The following ADGRG5 variants were observed in gnomAD, a reference collection of about 807,000 sequenced individuals.
The protein encoded by ADGRG5 is G protein-coupled receptor 114.
Under a neutral mutation model 53.2 loss-of-function variants are expected in ADGRG5, and 37 were observed. The ratio of observed to expected loss-of-function variants is 0.70; its 90% confidence interval spans 0.53 to 0.91. ADGRG5 has a LOEUF of 0.91. Ranked by LOEUF, ADGRG5 falls within the 40% of genes least tolerant of loss-of-function variation. ADGRG5 has a pLI of 0.00. For synonymous variants in ADGRG5, 277 were observed against 290.4 expected, an observed-to-expected ratio of 0.95 and a Z score of 0.47; for missense variants, 614 against 675.8, an observed-to-expected ratio of 0.91 and a Z score of 1.01.
intron 1 of ADGRG5, among the ~76,000 whole-genome samples, chr16:57,544,228 C>T (rs548514088): frequency 1.3e-5 from 2 of 152,262 alleles, no homozygotes; most frequent in South Asian, 2.1e-4. Flanking sequence ...ACTCCTCTTA[C>T]GCAGTATTCG....
At chr16:57,548,760 A>T (rs2032680828) in intron 1 of ADGRG5, among the ~76,000 whole-genome samples, 1 of 141,682 alleles carries the variant, frequency 7.1e-6, no homozygotes. Flanking sequence ...TTCCTTTAAG[A>T]TCCATCCAAG....
At chr16:57,564,909 A>G in intron 5 of ADGRG5, 125 bp from the exon 6 acceptor site, 1 of 659,468 alleles carries the variant, frequency 1.5e-6, no homozygotes, top group Non-Finnish European at 2.7e-6. Context: ...GGAGGCTGAG[A>G]AAGCTTTCAC....
At position 57,566,731 on chromosome 16, in the gene ADGRG5, A is replaced by G; in HGVS notation, c.679A>G (p.Thr227Ala). 6.4e-7 allele frequency: 1 copy of G among 1,556,138 alleles called. No individual in the cohort carries two copies. Among genetic ancestry groups the G allele is most frequent in the Non-Finnish European group, 8.7e-7 (1 of 1,151,420 alleles). The stretch of plus-strand genomic sequence containing the variant: ...GGTGCTCTGCCGCTGCAACCACCTC[A>G]CCTACTTTGCTGTTCTCATGGTATG... Reference protein sequence around the residue: ...SQVLCRCNHLTYFAVLMQLSP... With the variant: ...SQVLCRCNHLAYFAVLMQLSP... The change falls in exon 7 of 12, where the codon ACC (threonine) becomes GCC (alanine). Residue 227 changes from threonine (T) to alanine (A), a missense_variant. Thr to Ala is a moderately conservative substitution (Grantham distance 58). Transcript: ENST00000349457.
At chr16:57,533,783 C>A in the ADGRG5 span, among the ~76,000 whole-genome samples, 1 of 152,168 alleles carries the variant, frequency 6.6e-6, no homozygotes, top group Non-Finnish European at 1.5e-5. Context: ...GTAACGCACA[C>A]ACTCACTGAG....
rs201524707 is a variant in ADGRG5, at chr16:57,566,680, C to T, written c.628C>T (p.Arg210Cys). Residue 210 changes from arginine to cysteine, a missense_variant, in exon 7 of 12, where the codon CGT becomes TGT. Physicochemically the swap from Arg to Cys is radical, Grantham distance 180. Transcript: ENST00000349457. ...GGGGGGCTGGAGCCCTGAGGGCTGT[C>T]GTACAGAGCAGCCCTCCCACTCTCA... is the stretch of plus-strand genomic sequence containing the variant. ...PWGGWSPEGC[R>C]TEQPSHSQVL... The T allele has an allele frequency of 2.8e-5, 44 of 1,592,576 alleles. No homozygotes were observed. Among genetic ancestry groups the T allele is most frequent in the East Asian group, 4.6e-5 (2 of 43,592 alleles).
intron 11 of ADGRG5, 101 bp downstream of exon 11, chr16:57,575,193 G>A (rs2033482399): frequency 3.0e-6 from 4 of 1,337,626 alleles, no homozygotes; most frequent in South Asian, 2.8e-5. Context: ...GGCGAGTGGG[G>A]GACTAACATC....
intron 6 of ADGRG5, 147 bp downstream of exon 6, chr16:57,565,297 A>G (rs2033106003): frequency 4.6e-6 from 3 of 657,344 alleles, no homozygotes; most frequent in South Asian, 1.9e-5. Context: ...AATAAGAGAG[A>G]GAGAAGTTTT....
chr16:57,569,935 A>G (rs116546186), intron 9 of ADGRG5, among the ~76,000 whole-genome samples: 5,271 of 150,762 alleles, frequency 0.035, 171 homozygotes, highest in African/African-American at 0.086. Context: ...CATCTCCTCC[A>G]CCTCCATCAG....
At chr16:57,564,073 A>G in intron 5 of ADGRG5, 94 bp downstream of exon 5, 2 of 1,407,704 alleles carry the variant, frequency 1.4e-6, no homozygotes, top group Non-Finnish European at 2.0e-6. Context: ...CTGGGTGACC[A>G]GCACTGAGTG....
intron 10 of ADGRG5, among the ~76,000 whole-genome samples, chr16:57,572,640 C>T (rs1369112981): frequency 6.6e-6 from 1 of 151,936 alleles, no homozygotes; most frequent in African/African-American, 2.4e-5. Flanking sequence ...TGCAGTGAGC[C>T]GAGATTGCGG....
In ADGRG5 at chr16:57,576,439, C is replaced by T. The variant is rs959200918; in HGVS notation, c.*901C>T. 3 of 152,108 alleles carry T rather than the reference C, an allele frequency of 2.0e-5. No homozygotes were observed. Among genetic ancestry groups the T allele is most frequent in the Non-Finnish European group, 4.4e-5 (3 of 68,020 alleles). The allele number at this position is 152,108 out of a possible 1,614,324, so 9.4% of individuals were successfully genotyped here. A position where few individuals can be genotyped will look rare whatever the true frequency, so the allele number is the denominator to read the frequency against. ...GCAAGATTGAATTTGCCCAGGTAGG[C>T]GTGAGAGTGTGGGTTTTAAATTCGA... is the stretch of plus-strand genomic sequence containing the variant. On this transcript the variant is annotated 3_prime_UTR_variant, in exon 12 of 12. Transcript: ENST00000349457.
chr16:57,536,597 G>C, the ADGRG5 span: 1 of 152,122 alleles, frequency 6.6e-6, no homozygotes, highest in Non-Finnish European at 1.5e-5. Context: ...GGCCGAGGGA[G>C]GGCCGCGGAG....
chr16:57,563,260 G>A lies in ADGRG5; in HGVS notation c.297+13G>A, dbSNP rs376243223. On this transcript the variant is annotated intron_variant, in intron 4 of 11. Coordinates refer to ENST00000349457, the MANE Select transcript of ADGRG5 (RefSeq NM_001304376.3). ...GCGGGTGCCCCAGGTCAGAGGCTGC[G>A]GGTTGGGGGGTGTGGCCAGCTGCCC... The A allele has an allele frequency of 9.2e-5, 149 of 1,612,160 alleles. 1 individual carries two copies. The African/African-American group carries it at 1.2e-3, about 13-fold the overall frequency.
intron 9 of ADGRG5, among the ~76,000 whole-genome samples, chr16:57,570,098 TC>T (rs2033306881): frequency 6.6e-6 from 1 of 152,150 alleles, no homozygotes; most frequent in South Asian, 2.1e-4. Flanking sequence ...TTCATCACCG[TC>T]CTTGCCCCTT....
Position 57,567,992 on chromosome 16 carries a change from G to A in ADGRG5, c.958G>A (p.Ala320Thr). Residue 320 changes from alanine (A) to threonine (T), a missense_variant, in exon 9 of 12, where the codon GCC becomes ACC. Transcript: ENST00000349457. Reference protein sequence around the residue: ...PGSACTALAAALHYALLSCLT... With the variant: ...PGSACTALAATLHYALLSCLT... ...GTCAGCATGCACGGCTCTGGCCGCT[G>A]CCCTGCACTACGCGCTGCTCAGCTG... is the stretch of plus-strand genomic sequence containing the variant. 1 of 1,614,084 alleles carries A rather than the reference G, an allele frequency of 6.2e-7. No individual in the cohort carries two copies. The highest frequency in any genetic ancestry group is 8.5e-7 in the Non-Finnish European group (1 of 1,179,976).
chr16:57,549,605 A>G (rs746829030), intron 1 of ADGRG5, among the ~76,000 whole-genome samples: 2 of 152,114 alleles, frequency 1.3e-5, no homozygotes, highest in Non-Finnish European at 2.9e-5. Context: ...CCTTTTGGAG[A>G]GGAGTTTTTG....
rs2033534100 is a variant in ADGRG5 at position 57,576,979 on chromosome 16, G to T, written c.*1441G>T. ...TAGATGCAAATAACTCCTTCACCAGGCAGTGAGTGGCGTAGGCTCTGGAGC... is the reference window on the plus strand; with the variant it reads ...TAGATGCAAATAACTCCTTCACCAGTCAGTGAGTGGCGTAGGCTCTGGAGC... On this transcript the variant is annotated 3_prime_UTR_variant, in exon 12 of 12. Coordinates refer to ENST00000349457, the MANE Select transcript of ADGRG5 (RefSeq NM_001304376.3). The T allele has an allele frequency of 6.6e-6, 1 of 152,238 alleles. No individual in the cohort carries two copies. 9.4% of individuals were successfully genotyped at this position (152,238 alleles called of 1,614,324 possible). A position where few individuals can be genotyped will look rare whatever the true frequency, so the allele number is the denominator to read the frequency against.
In ADGRG5 at chr16:57,562,171, G is replaced by C; in HGVS notation, c.64+14G>C. On this transcript the variant is annotated intron_variant, in intron 2 of 11. Transcript: ENST00000349457. Reference sequence around the variant, plus strand: ...ATGCAACAACAGGTAAGGGGGCTCTGCTGAACTGGGGGCAGCCCTAGCCCA... The same window carrying C: ...ATGCAACAACAGGTAAGGGGGCTCTCCTGAACTGGGGGCAGCCCTAGCCCA... 1.9e-6 allele frequency: 3 copies of C among 1,591,996 alleles called. No individual in the cohort carries two copies. The South Asian group carries it at 3.4e-5, about 18-fold the overall frequency.
chr16:57,545,375 A>G (rs916924562), intron 1 of ADGRG5, among the ~76,000 whole-genome samples: 2 of 152,206 alleles, frequency 1.3e-5, no homozygotes, highest in Non-Finnish European at 1.5e-5. Flanking sequence ...TGGAAGAAAC[A>G]GGCAAATTCC....
Sources: gnomAD v4.1 joint callset for allele counts (sites outside exome capture counted in the v4.1 genomes callset) on GRCh38, gnomAD v4.1.1 for gene constraint, MANE v1.5 for transcripts, NCBI Gene and HGNC (gene_info 2026-07-23, HGNC 2026-07-21) for gene names.